TMPRSS11F: variants seen among roughly 807,000 people sequenced by gnomAD.
TMPRSS11F encodes the protein transmembrane serine protease 11F, also known as transmembrane protease serine 11F.
TMPRSS11F carries 47 observed loss-of-function variants against 60.2 expected under a neutral mutation model. That is an observed-to-expected ratio of 0.78 (90% confidence interval 0.62 to 1.00). The LOEUF (loss-of-function observed/expected upper bound fraction) is 1.00. TMPRSS11F is among the 50% of genes least tolerant of loss of function. The pLI, the probability that TMPRSS11F is intolerant of heterozygous loss-of-function variation, is 0.00. For missense variants in TMPRSS11F, 519 were observed against 522.9 expected, an observed-to-expected ratio of 0.99 and a Z score of 0.07; for synonymous variants, 166 against 167.3, an observed-to-expected ratio of 0.99 and a Z score of 0.06.
At chr4:68,085,249 C>T (rs1237535443) in intron 3 of TMPRSS11F, among the ~76,000 whole-genome samples, 1 of 150,788 alleles carries the variant, frequency 6.6e-6, no homozygotes, top group Non-Finnish European at 1.5e-5. Context: ...GGTATATACC[C>T]AGTAATGGGA....
At chr4:68,091,965 T>G (rs1723951340) in intron 2 of TMPRSS11F, among the ~76,000 whole-genome samples, 1 of 151,962 alleles carries the variant, frequency 6.6e-6, no homozygotes, top group Non-Finnish European at 1.5e-5. Flanking sequence ...TTTTGTATTT[T>G]TAGTAGAGAA....
chr4:68,103,416 A>G (rs1055739650), intron 1 of TMPRSS11F, among the ~76,000 whole-genome samples: 1 of 149,402 alleles, frequency 6.7e-6, no homozygotes, highest in Non-Finnish European at 1.5e-5. Context: ...CCTGCACTTC[A>G]GCTTGGGTGA....
intron 1 of TMPRSS11F, among the ~76,000 whole-genome samples, chr4:68,115,193 A>G (rs1312844041): frequency 6.6e-6 from 1 of 151,082 alleles, no homozygotes; most frequent in African/African-American, 2.4e-5. Flanking sequence ...ACTAAAAAAT[A>G]CAAAAAAAGA....
intron 1 of TMPRSS11F, among the ~76,000 whole-genome samples, chr4:68,129,360 T>G (rs1724775586): frequency 6.6e-6 from 1 of 152,132 alleles, no homozygotes; most frequent in Admixed American, 6.5e-5. Flanking sequence ...ATAGTTTCTA[T>G]TAGAGTTAAA....
intron 3 of TMPRSS11F, among the ~76,000 whole-genome samples, chr4:68,079,510 A>G (rs964893164): frequency 3.3e-5 from 5 of 152,172 alleles, no homozygotes; most frequent in Admixed American, 1.3e-4. Flanking sequence ...TACTGCTTCT[A>G]AGTTTAACAG....
At position 68,102,186 on chromosome 4, in the gene TMPRSS11F, T is replaced by C. The variant is rs113897067; in HGVS notation, c.12-3148A>G. Among the ~76,000 whole-genome samples, 258 of 152,206 alleles carry C rather than the reference T, an allele frequency of 1.7e-3. 2 individuals are homozygous for C. The highest frequency in any genetic ancestry group is 6.8e-3 in the Middle Eastern group (2 of 294). On this transcript the variant is annotated intron_variant, in intron 1 of 9. Coordinates refer to ENST00000356291, the MANE Select transcript of TMPRSS11F (RefSeq NM_207407.2). ...TTTGGGGGGCTCAGGAAAATTCCAT[T>C]GTATATATTTACCACAACTTCCTTA...
intron 1 of TMPRSS11F, among the ~76,000 whole-genome samples, chr4:68,128,594 C>T (rs1395408596): frequency 4.6e-5 from 7 of 151,976 alleles, no homozygotes; most frequent in African/African-American, 1.4e-4. Flanking sequence ...ATAAAAAACA[C>T]TTACTGAAGA....
At chr4:68,055,341 G>A (rs970994651) in intron 9 of TMPRSS11F, among the ~76,000 whole-genome samples, 4 of 152,068 alleles carry the variant, frequency 2.6e-5, no homozygotes, top group South Asian at 2.1e-4. Flanking sequence ...TTTGACTAAC[G>A]CATGAGAGGA....
At chr4:68,107,130 T>G (rs1724318532) in intron 1 of TMPRSS11F, among the ~76,000 whole-genome samples, 1 of 152,236 alleles carries the variant, frequency 6.6e-6, no homozygotes, top group African/African-American at 2.4e-5. Flanking sequence ...AAGAAGACTT[T>G]ATAGTTACTA....
chr4:68,055,812 C>T (rs1723031831), intron 9 of TMPRSS11F, among the ~76,000 whole-genome samples: 1 of 152,128 alleles, frequency 6.6e-6, no homozygotes, highest in African/African-American at 2.4e-5. Context: ...ACAAAATACT[C>T]ATGAACCAAA....
At chr4:68,081,107 G>A (rs1723688833) in intron 3 of TMPRSS11F, among the ~76,000 whole-genome samples, 1 of 152,184 alleles carries the variant, frequency 6.6e-6, no homozygotes, top group Non-Finnish European at 1.5e-5. Context: ...CAAGCTAGTT[G>A]TTGTAGTTTT....
chr4:68,089,942 C>T (rs1723889781), intron 3 of TMPRSS11F, among the ~76,000 whole-genome samples: 1 of 152,072 alleles, frequency 6.6e-6, no homozygotes, highest in South Asian at 2.1e-4. Context: ...CATAGCCATG[C>T]TTTTCATGGG....
intron 5 of TMPRSS11F, 29 bp downstream of exon 5, chr4:68,072,294 A>G: frequency 7.2e-7 from 1 of 1,387,282 alleles, no homozygotes; most frequent in Non-Finnish European, 9.5e-7. Context: ...GGGAATGACA[A>G]AAGTGGCAAA....
At position 68,084,542 on chromosome 4, in the gene TMPRSS11F, A is replaced by C. The variant is rs115730042; in HGVS notation, c.282+5981T>G. On this transcript the variant is annotated intron_variant, in intron 3 of 9. Transcript: ENST00000356291. ...TAAAGAAAAGAAATTCCTACCAAGA[A>C]CTTCATTCCCTGCCAAACTAAGCTT... Among the ~76,000 whole-genome samples the C allele has an allele frequency of 9.7e-3, 1,482 of 152,268 alleles. 33 individuals are homozygous for C. The highest frequency in any genetic ancestry group is 0.034 in the African/African-American group (1,433 of 41,542).
chr4:68,060,515 C>CAAAAAAAAAAAAAAAAAAAAAA (rs71218926), intron 8 of TMPRSS11F, among the ~76,000 whole-genome samples: 1 of 29,638 alleles, frequency 3.4e-5, no homozygotes, highest in African/African-American at 1.6e-4. Context: ...GACTCCAACT[C>CAAAAAAAAAAAAAAAAAAAAAA]AAAAAAAAAA....
At chr4:68,120,360 C>T (rs1334600630) in intron 1 of TMPRSS11F, among the ~76,000 whole-genome samples, 1 of 150,338 alleles carries the variant, frequency 6.7e-6, no homozygotes, top group African/African-American at 2.5e-5. Flanking sequence ...AACAGCATCA[C>T]ATGCTACAGA....
At chr4:68,105,086 G>C (rs1724278140) in intron 1 of TMPRSS11F, among the ~76,000 whole-genome samples, 1 of 110,208 alleles carries the variant, frequency 9.1e-6, no homozygotes. Flanking sequence ...CAAGAGTTTG[G>C]GAAGTATTGG....
At chr4:68,112,591 C>A (rs150373597) in intron 1 of TMPRSS11F, among the ~76,000 whole-genome samples, 5 of 152,016 alleles carry the variant, frequency 3.3e-5, no homozygotes, top group Non-Finnish European at 7.4e-5. Context: ...AAAAATACTA[C>A]TAATAATATA....
chr4:68,093,523 G>A (rs1723996566), intron 2 of TMPRSS11F, among the ~76,000 whole-genome samples: 2 of 152,080 alleles, frequency 1.3e-5, no homozygotes, highest in South Asian at 4.1e-4. Context: ...AAAAGCAATG[G>A]CAATAAAAGC....
Sources: gnomAD v4.1 joint callset for allele counts (sites outside exome capture counted in the v4.1 genomes callset) on GRCh38, gnomAD v4.1.1 for gene constraint, MANE v1.5 for transcripts, NCBI Gene and HGNC (gene_info 2026-07-23, HGNC 2026-07-21) for gene names.